FAM114A1: variants seen among roughly 807,000 people sequenced by gnomAD.
The protein encoded by FAM114A1 is family with sequence similarity 114 member A1.
In FAM114A1, 62 loss-of-function variants were observed where a neutral mutation model predicts 64.3. The observed-to-expected ratio is 0.96, with a 90% CI of 0.79 to 1.19. The LOEUF is 1.19. Ranked by LOEUF, FAM114A1 falls within the 50% of genes most tolerant of loss-of-function variation. The probability of loss-of-function intolerance (pLI) is 0.00; values close to 1 mark genes in which losing one functional copy is unlikely to be tolerated. For missense variants in FAM114A1, 645 were observed against 676.3 expected (o/e 0.95, Z 0.51); for synonymous variants, 254 against 251.1 (o/e 1.01, Z -0.11).
intron 3 of FAM114A1, among the ~76,000 whole-genome samples, chr4:38,889,017 A>G (rs1004709576): frequency 2.6e-5 from 4 of 152,228 alleles, no homozygotes; most frequent in Non-Finnish European, 5.9e-5. Context: ...TCACAGCTCA[A>G]TGTCAAAGGA....
chr4:38,906,375 A>G lies in FAM114A1; in HGVS notation c.657+514A>G, dbSNP rs1181747296. Among the ~76,000 whole-genome samples, 5 of 150,620 alleles carry G rather than the reference A, an allele frequency of 3.3e-5. No individual in the cohort carries two copies. The East Asian group carries it at 8.3e-4, about 25-fold the overall frequency. ...CATTCCCACCCTTCCTCCTCCTTAC[A>G]CCACCCTAAGTGTATCCCCCTAGAT... On this transcript the variant is annotated intron_variant, in intron 6 of 14. Coordinates refer to ENST00000358869, the MANE Select transcript of FAM114A1 (RefSeq NM_138389.4).
chr4:38,880,100 AAATAGAGTAGAATAG>A (rs1370407403), intron 3 of FAM114A1, among the ~76,000 whole-genome samples: 9 of 98,942 alleles, frequency 9.1e-5, no homozygotes, highest in East Asian at 4.0e-4. Context: ...AAATAAAATA[AAATAGAGTAGAATAG>A]AATAGAATAG....
chr4:38,895,901 A>G (rs1034060713), intron 4 of FAM114A1, among the ~76,000 whole-genome samples: 2 of 152,156 alleles, frequency 1.3e-5, no homozygotes, highest in African/African-American at 4.8e-5. Flanking sequence ...CAGTATTATG[A>G]TCTTATGGGA....
intron 8 of FAM114A1, among the ~76,000 whole-genome samples, chr4:38,919,035 C>G (rs1182897751): frequency 6.6e-6 from 1 of 152,146 alleles, no homozygotes; most frequent in Non-Finnish European, 1.5e-5. Context: ...TCCCTGTAAT[C>G]TCAGCTACTC....
At chr4:38,882,093 A>G (rs1158491867) in intron 3 of FAM114A1, among the ~76,000 whole-genome samples, 2 of 151,104 alleles carry the variant, frequency 1.3e-5, no homozygotes, top group Non-Finnish European at 3.0e-5. Flanking sequence ...CGGGTGGATC[A>G]TGAGGTCAGG....
intron 13 of FAM114A1, among the ~76,000 whole-genome samples, chr4:38,936,860 T>C (rs1337940833): frequency 1.3e-5 from 2 of 151,842 alleles, no homozygotes; most frequent in Non-Finnish European, 2.9e-5. Context: ...GAGATAAGAG[T>C]TTTCTTTGCT....
chr4:38,905,346 C>A (rs1437435171), intron 4 of FAM114A1, among the ~76,000 whole-genome samples, 176 bp from the exon 5 acceptor site: 1 of 151,656 alleles, frequency 6.6e-6, no homozygotes, highest in Non-Finnish European at 1.5e-5. Flanking sequence ...TTGCAGTGAG[C>A]CAAGATTGCA....
chr4:38,939,182 A>G (rs1447472183), intron 13 of FAM114A1, among the ~76,000 whole-genome samples: 3 of 152,216 alleles, frequency 2.0e-5, no homozygotes, highest in Non-Finnish European at 4.4e-5. Context: ...ATATATTTAT[A>G]TGTACACACA....
At chr4:38,936,131 T>C (rs1341888472) in intron 13 of FAM114A1, among the ~76,000 whole-genome samples, 1 of 151,634 alleles carries the variant, frequency 6.6e-6, no homozygotes, top group Non-Finnish European at 1.5e-5. Context: ...TTTGCTCTGG[T>C]GCCCAGGCTG....
At chr4:38,900,419 A>G (rs1336742797) in intron 4 of FAM114A1, among the ~76,000 whole-genome samples, 1 of 152,192 alleles carries the variant, frequency 6.6e-6, no homozygotes, top group East Asian at 1.9e-4. Context: ...AATTAAAGGC[A>G]GGGTCCCAGG....
chr4:38,899,028 TA>T (rs1165076627), intron 4 of FAM114A1, among the ~76,000 whole-genome samples: 2 of 106,478 alleles, frequency 1.9e-5, no homozygotes, highest in Non-Finnish European at 4.0e-5. Context: ...ATATATGTTA[TA>T]TATATATATA....
intron 7 of FAM114A1, among the ~76,000 whole-genome samples, chr4:38,913,486 G>A (rs1579363268): frequency 6.6e-6 from 1 of 152,166 alleles, no homozygotes; most frequent in Middle Eastern, 3.4e-3. Flanking sequence ...GCGCCTCCGG[G>A]TTCAACCTCC....
At chr4:38,926,251 ACTCT>A (rs562460584) in intron 9 of FAM114A1, among the ~76,000 whole-genome samples, 198 of 152,104 alleles carry the variant, frequency 1.3e-3, no homozygotes, top group African/African-American at 4.4e-3. Flanking sequence ...CCAGCCCAGA[ACTCT>A]CTGTGCTCTG....
intron 2 of FAM114A1, among the ~76,000 whole-genome samples, chr4:38,872,284 A>G (rs1714152023): frequency 6.6e-6 from 1 of 152,202 alleles, no homozygotes; most frequent in African/African-American, 2.4e-5. Flanking sequence ...AATTAAAACT[A>G]AGTAACATGC....
chr4:38,914,764 G>GGATC, intron 7 of FAM114A1, 157 bp from the exon 8 acceptor site: 1 of 768,518 alleles, frequency 1.3e-6, no homozygotes, highest in South Asian at 2.3e-5. Context: ...GTTATCAATA[G>GGATC]GATCAATCAA....
At chr4:38,918,979 C>G (rs182838693) in intron 8 of FAM114A1, among the ~76,000 whole-genome samples, 3 of 152,092 alleles carry the variant, frequency 2.0e-5, no homozygotes, top group South Asian at 2.1e-4. Flanking sequence ...AAGGCAAAAC[C>G]CCATCTCTAC....
chr4:38,891,881 G>A (rs763458551), intron 4 of FAM114A1, 51 bp downstream of exon 4: 2 of 1,523,456 alleles, frequency 1.3e-6, no homozygotes, highest in Non-Finnish European at 1.8e-6. Context: ...AGCCTAATAG[G>A]ATAGGACGTT....
Position 38,934,527 on chromosome 4 carries a change from T to C in FAM114A1, c.1464-1191T>C, listed in dbSNP as rs527603809. Among the ~76,000 whole-genome samples the C allele has an allele frequency of 2.0e-5, 3 of 152,318 alleles. No homozygotes were observed. In the East Asian group the frequency reaches 5.8e-4, roughly 29 times the overall value. On this transcript the variant is annotated intron_variant, in intron 12 of 14. Coordinates refer to ENST00000358869, the MANE Select transcript of FAM114A1 (RefSeq NM_138389.4). The stretch of plus-strand genomic sequence containing the variant: ...TTACTAGATATTTTAACATATAAGA[T>C]TCTTAACTTGGGGTTATCATTCCCA...
intron 10 of FAM114A1, among the ~76,000 whole-genome samples, chr4:38,931,190 T>A (rs932351941): frequency 6.8e-4 from 103 of 152,362 alleles, no homozygotes; most frequent in African/African-American, 2.4e-3. Flanking sequence ...ATATCATTTT[T>A]AAATGCTTTT....
Sources: gnomAD v4.1 joint callset for allele counts (sites outside exome capture counted in the v4.1 genomes callset) on GRCh38, gnomAD v4.1.1 for gene constraint, MANE v1.5 for transcripts, NCBI Gene and HGNC (gene_info 2026-07-23, HGNC 2026-07-21) for gene names.